The following GRB14 variants were observed in gnomAD, a reference collection of about 807,000 sequenced individuals.
GRB14 encodes the protein growth factor receptor-bound protein 14.
A neutral mutation model predicts 69.1 loss-of-function variants in GRB14; 38 were observed. That is an observed-to-expected ratio of 0.55 (90% CI 0.42 to 0.72). GRB14 has a LOEUF of 0.72. Ranked by LOEUF, GRB14 falls within the 30% of genes least tolerant of loss-of-function variation. The pLI is 0.00. For missense variants in GRB14, 666 were observed against 666.1 expected (o/e 1.00, Z 0.00); for synonymous variants, 247 against 241.3 (o/e 1.02, Z -0.22).
At chr2:164,584,876 T>C (rs1689497264) in intron 2 of GRB14, among the ~76,000 whole-genome samples, 1 of 152,128 alleles carries the variant, frequency 6.6e-6, no homozygotes, top group Non-Finnish European at 1.5e-5. Flanking sequence ...TTGTTCAGTA[T>C]CTTTGATTTC....
chr2:164,582,115 G>T (rs1397750291), intron 2 of GRB14, among the ~76,000 whole-genome samples: 2 of 152,084 alleles, frequency 1.3e-5, no homozygotes, highest in African/African-American at 4.8e-5. Context: ...ATATTTAATT[G>T]GCTATTTGAT....
intron 2 of GRB14, among the ~76,000 whole-genome samples, chr2:164,554,654 G>A (rs186894434): frequency 6.6e-6 from 1 of 152,112 alleles, no homozygotes; most frequent in African/African-American, 2.4e-5. Context: ...TTCAAAAACT[G>A]CCCTAGGAGC....
rs529346032 is a variant in GRB14 at position 164,611,413 on chromosome 2, T to C, written c.324+8274A>G. Among the ~76,000 whole-genome samples, 173 of 152,172 alleles carry C rather than the reference T, an allele frequency of 1.1e-3. 3 individuals carry two copies. Among genetic ancestry groups the C allele is most frequent in the African/African-American group, 4.0e-3 (167 of 41,534 alleles). ...GATTCAAGCCTACTTTGATGAAAGATGAAGCAGTACTTAACAAGAACAGAA... is the reference window on the plus strand; with the variant it reads ...GATTCAAGCCTACTTTGATGAAAGACGAAGCAGTACTTAACAAGAACAGAA... On this transcript the variant is annotated intron_variant, in intron 2 of 13. Transcript: ENST00000263915.
At chr2:164,542,906 A>C (rs1181152174) in intron 3 of GRB14, among the ~76,000 whole-genome samples, 4 of 152,206 alleles carry the variant, frequency 2.6e-5, no homozygotes, top group Admixed American at 2.6e-4. Flanking sequence ...ATCCAAAATA[A>C]ATAAAAAGAC....
At chr2:164,556,899 AACCATC>A (rs1688691545) in intron 2 of GRB14, among the ~76,000 whole-genome samples, 1 of 152,118 alleles carries the variant, frequency 6.6e-6, no homozygotes, top group South Asian at 2.1e-4. Flanking sequence ...TGATGAAAGA[AACCATC>A]ATGTACACCC....
chr2:164,598,645 G>A (rs924639919), intron 2 of GRB14, among the ~76,000 whole-genome samples: 9 of 151,956 alleles, frequency 5.9e-5, no homozygotes, highest in African/African-American at 1.7e-4. Flanking sequence ...ATTGGTCTTC[G>A]CTTACTAGTT....
At chr2:164,590,371 AG>A (rs1455615635) in intron 2 of GRB14, among the ~76,000 whole-genome samples, 1 of 152,226 alleles carries the variant, frequency 6.6e-6, no homozygotes, top group East Asian at 1.9e-4. Flanking sequence ...ATGAAAAAAA[AG>A]TTAGTTGTCT....
intron 2 of GRB14, among the ~76,000 whole-genome samples, chr2:164,617,854 A>T (rs781407277): frequency 1.3e-5 from 2 of 150,374 alleles, no homozygotes; most frequent in African/African-American, 2.4e-5. Context: ...GCAGGCCCTT[A>T]GTAATTTGGG....
intron 6 of GRB14, among the ~76,000 whole-genome samples, chr2:164,521,607 C>A (rs769580042): frequency 5.9e-5 from 9 of 151,998 alleles, no homozygotes; most frequent in Non-Finnish European, 1.3e-4. Flanking sequence ...TGATGTTGAT[C>A]AACAGAGATT....
chr2:164,569,976 C>A (rs904571238), intron 2 of GRB14, among the ~76,000 whole-genome samples: 6 of 152,100 alleles, frequency 3.9e-5, no homozygotes, highest in African/African-American at 1.4e-4. Context: ...ATAACAAAGA[C>A]CATGGTAACA....
intron 3 of GRB14, among the ~76,000 whole-genome samples, chr2:164,540,098 C>G (rs1029666309): frequency 6.6e-6 from 1 of 152,142 alleles, no homozygotes; most frequent in Admixed American, 6.5e-5. Flanking sequence ...CTGTGATGTC[C>G]TCTCCCATTA....
At chr2:164,570,832 A>G (rs937526858) in intron 2 of GRB14, among the ~76,000 whole-genome samples, 2 of 152,202 alleles carry the variant, frequency 1.3e-5, no homozygotes, top group Non-Finnish European at 2.9e-5. Flanking sequence ...ACAGTGCAAT[A>G]TATACATGCC....
intron 1 of GRB14, chr2:164,620,073 A>ACCC (rs1558888515): frequency 6.8e-5 from 3 of 43,864 alleles, no homozygotes; most frequent in Non-Finnish European, 1.2e-4. Context: ...CCCTCCCACC[A>ACCC]CCCCTCCCCC....
intron 5 of GRB14, among the ~76,000 whole-genome samples, chr2:164,523,518 T>C (rs1470187050): frequency 6.6e-6 from 1 of 152,046 alleles, no homozygotes; most frequent in Non-Finnish European, 1.5e-5. Context: ...TTTAAAAGGC[T>C]ACTAAAGGAA....
intron 8 of GRB14, among the ~76,000 whole-genome samples, chr2:164,506,754 T>C (rs1687199521): frequency 6.6e-6 from 1 of 151,918 alleles, no homozygotes; most frequent in Non-Finnish European, 1.5e-5. Flanking sequence ...AACATATAGA[T>C]AGATATAGAG....
intron 7 of GRB14, 26 bp from the exon 8 acceptor site, chr2:164,508,576 T>C: frequency 1.9e-6 from 3 of 1,590,362 alleles, no homozygotes; most frequent in Non-Finnish European, 2.6e-6. Context: ...ACATTGTTTA[T>C]CGTTAATGCA....
intron 2 of GRB14, among the ~76,000 whole-genome samples, chr2:164,610,191 T>A (rs1410940421): frequency 1.3e-5 from 2 of 152,200 alleles, no homozygotes; most frequent in African/African-American, 4.8e-5. Flanking sequence ...CTGACCTAAA[T>A]AATTCACCAC....
chr2:164,602,123 T>C (rs895498963), intron 2 of GRB14, among the ~76,000 whole-genome samples: 2 of 146,630 alleles, frequency 1.4e-5, no homozygotes, highest in African/African-American at 5.1e-5. Flanking sequence ...TCCAAATGTA[T>C]TTTTAAATTT....
chr2:164,558,464 A>G (rs909800070), intron 2 of GRB14, among the ~76,000 whole-genome samples: 1 of 152,166 alleles, frequency 6.6e-6, no homozygotes. Context: ...CCTAAATCCA[A>G]TATGAATAAT....
Sources: allele counts gnomAD v4.1 joint callset (sites outside exome capture counted in the v4.1 genomes callset), GRCh38; gene constraint gnomAD v4.1.1; transcripts MANE v1.5; gene names NCBI Gene and HGNC (gene_info 2026-07-23, HGNC 2026-07-21).